Variants in NELL1 observed in about 807,000 individuals in gnomAD.
The protein encoded by NELL1 is protein kinase C-binding protein NELL1.
A neutral mutation model predicts 107.4 loss-of-function variants in NELL1; 76 were observed. The ratio of observed to expected loss-of-function variants is 0.71; its 90% CI spans 0.59 to 0.86. The LOEUF (loss-of-function observed/expected upper bound fraction) is 0.86, where lower values mean the gene tolerates loss of function less well. Ranked by LOEUF, NELL1 falls within the 40% of genes least tolerant of loss-of-function variation. The probability of loss-of-function intolerance (pLI) is 0.00; values close to 1 mark genes in which losing one functional copy is unlikely to be tolerated. For missense variants in NELL1, 1,024 were observed against 1,005.5 expected, an observed-to-expected ratio of 1.02 and a Z score of -0.25; for synonymous variants, 353 against 341.2, an observed-to-expected ratio of 1.03 and a Z score of -0.38.
At chr11:21,159,294 G>T (rs1856311192) in intron 13 of NELL1, among the ~76,000 whole-genome samples, 1 of 152,094 alleles carries the variant, frequency 6.6e-6, no homozygotes, top group Non-Finnish European at 1.5e-5. Context: ...ATCCTCCTCA[G>T]TTCTCCAGTG....
intron 2 of NELL1, among the ~76,000 whole-genome samples, chr11:20,747,088 A>G (rs1856022113): frequency 6.6e-6 from 1 of 152,212 alleles, no homozygotes; most frequent in Non-Finnish European, 1.5e-5. Flanking sequence ...AACACCTGGC[A>G]CATATAATAA....
chr11:21,030,622 A>ATT (rs201033870), intron 12 of NELL1, among the ~76,000 whole-genome samples: 5,974 of 119,712 alleles, frequency 0.05, 120 homozygotes, highest in Middle Eastern at 0.098. Flanking sequence ...ATTTTCTTGT[A>ATT]TTTTTTTTTT....
intron 2 of NELL1, among the ~76,000 whole-genome samples, chr11:20,680,735 G>A (rs1222079837): frequency 2.0e-5 from 3 of 152,070 alleles, no homozygotes; most frequent in Admixed American, 6.6e-5. Flanking sequence ...CTGAGACATC[G>A]TTCATTTTTC....
At chr11:20,747,148 T>C (rs1856023067) in intron 2 of NELL1, among the ~76,000 whole-genome samples, 2 of 152,188 alleles carry the variant, frequency 1.3e-5, no homozygotes, top group South Asian at 2.1e-4. Context: ...AGGAAGGCAA[T>C]TGAATTATTT....
chr11:20,754,529 A>G (rs1006408838), intron 2 of NELL1, among the ~76,000 whole-genome samples: 2 of 152,212 alleles, frequency 1.3e-5, no homozygotes, highest in African/African-American at 4.8e-5. Context: ...TGGGTTTCAC[A>G]GTCTTGGAAA....
chr11:21,091,709 A>T (rs1017418909), intron 12 of NELL1, among the ~76,000 whole-genome samples: 11 of 152,198 alleles, frequency 7.2e-5, no homozygotes, highest in Non-Finnish European at 1.6e-4. Flanking sequence ...TCGATACTAG[A>T]TTCCATGTGT....
chr11:21,001,627 G>A (rs2134273849), intron 12 of NELL1, among the ~76,000 whole-genome samples: 1 of 152,068 alleles, frequency 6.6e-6, no homozygotes. Context: ...TAAGAAAGAG[G>A]GGAATGCCTA....
Position 21,096,154 on chromosome 11 carries a change from G to T in NELL1, c.1301-17435G>T, listed in dbSNP as rs140352237. Among the ~76,000 whole-genome samples, 1,143 of 152,190 alleles carry T rather than the reference G, an allele frequency of 7.5e-3. 18 individuals are homozygous for T. Among genetic ancestry groups the T allele is most frequent in the African/African-American group, 0.024 (985 of 41,528 alleles). ...CTTTGCCCACTACCCAGATCACCAGGCCTTTTTATGACTTACCCTCTTCTA... is the reference window on the plus strand; with the variant it reads ...CTTTGCCCACTACCCAGATCACCAGTCCTTTTTATGACTTACCCTCTTCTA... On this transcript the variant is annotated intron_variant, in intron 12 of 19. Coordinates refer to ENST00000357134, the MANE Select transcript of NELL1 (RefSeq NM_006157.5).
rs772825960 is a variant in NELL1, at chr11:21,314,005, C to A, written c.1550-56848C>A. On this transcript the variant is annotated intron_variant, in intron 14 of 19. Coordinates refer to ENST00000357134, the MANE Select transcript of NELL1 (RefSeq NM_006157.5). ...AACCTACACTCTGCCCCCCCCCCCC[C>A]CCCCGCGACCCCCACTTGCTCCTGC... Among the ~76,000 whole-genome samples, 294 of 80,140 alleles carry A rather than the reference C, an allele frequency of 3.7e-3. 14 individuals are homozygous for A. Among genetic ancestry groups the A allele is most frequent in the Non-Finnish European group, 6.6e-3 (233 of 35,310 alleles). The allele number at this position is 80,140 out of a possible 152,430, so 52.6% of individuals were successfully genotyped here. A position where few individuals can be genotyped will look rare whatever the true frequency, so the allele number is the denominator to read the frequency against.
intron 2 of NELL1, among the ~76,000 whole-genome samples, chr11:20,722,296 C>T (rs1855409670): frequency 6.6e-6 from 1 of 152,160 alleles, no homozygotes; most frequent in Admixed American, 6.5e-5. Flanking sequence ...GCTGGGATTA[C>T]AGGCATGAGC....
At chr11:20,909,123 A>T (rs1458645948) in intron 5 of NELL1, among the ~76,000 whole-genome samples, 1 of 152,198 alleles carries the variant, frequency 6.6e-6, no homozygotes, top group Non-Finnish European at 1.5e-5. Context: ...TATCAAAAAT[A>T]GGCAAATTTA....
At chr11:21,244,779 G>A (rs1344452414) in intron 14 of NELL1, among the ~76,000 whole-genome samples, 1 of 152,140 alleles carries the variant, frequency 6.6e-6, no homozygotes, top group Non-Finnish European at 1.5e-5. Context: ...CTACCTGCAA[G>A]CAAGGTGACT....
intron 14 of NELL1, among the ~76,000 whole-genome samples, chr11:21,360,413 G>A (rs1851049324): frequency 6.6e-6 from 1 of 151,984 alleles, no homozygotes. Context: ...CCTATCATAT[G>A]GTCTATTTTA....
At chr11:20,800,065 C>A (rs1183142538) in intron 3 of NELL1, among the ~76,000 whole-genome samples, 1 of 152,168 alleles carries the variant, frequency 6.6e-6, no homozygotes, top group African/African-American at 2.4e-5. Flanking sequence ...TGCGTAGTAT[C>A]CCATGGTGTA....
At chr11:21,324,237 A>C (rs979624134) in intron 14 of NELL1, among the ~76,000 whole-genome samples, 2 of 152,082 alleles carry the variant, frequency 1.3e-5, no homozygotes, top group Non-Finnish European at 2.9e-5. Context: ...TTTTTTCCCA[A>C]TTCATTTAGC....
chr11:21,184,803 G>A (rs1000708985), intron 13 of NELL1, among the ~76,000 whole-genome samples: 2 of 151,754 alleles, frequency 1.3e-5, no homozygotes, highest in African/African-American at 2.4e-5. Context: ...TTTGCCTTAA[G>A]TTCTAATTAT....
chr11:21,099,192 AACACACACACAC>A (rs59848133), intron 12 of NELL1, among the ~76,000 whole-genome samples: 3,526 of 141,936 alleles, frequency 0.025, 138 homozygotes, highest in African/African-American at 0.082. Flanking sequence ...GACACTGAAC[AACACACACACAC>A]ACACACACAC....
intron 14 of NELL1, among the ~76,000 whole-genome samples, chr11:21,303,878 G>T (rs1444820979): frequency 6.6e-6 from 1 of 151,984 alleles, no homozygotes; most frequent in Non-Finnish European, 1.5e-5. Flanking sequence ...CTCCAAGGTG[G>T]TGCCTCATTG....
intron 13 of NELL1, among the ~76,000 whole-genome samples, chr11:21,199,597 A>T (rs192713004): frequency 6.6e-6 from 1 of 152,100 alleles, no homozygotes; most frequent in Non-Finnish European, 1.5e-5. Flanking sequence ...GCTATCAATT[A>T]TGAAGAATCT....
Sources: gnomAD v4.1 joint callset for allele counts (sites outside exome capture counted in the v4.1 genomes callset) on GRCh38, gnomAD v4.1.1 for gene constraint, MANE v1.5 for transcripts, NCBI Gene and HGNC (gene_info 2026-07-23, HGNC 2026-07-21) for gene names.